The following CYP4A22 variants were observed in gnomAD, a reference collection of about 807,000 sequenced individuals.
CYP4A22 encodes cytochrome P450 family 4 subfamily A member 22.
In CYP4A22, 46 loss-of-function variants were observed where a neutral mutation model predicts 56.2. That is an observed-to-expected ratio of 0.82 (90% CI 0.65 to 1.05). The LOEUF is 1.05. Among genes scored for constraint, CYP4A22 ranks in the 50% least tolerant of loss-of-function variants. The pLI is 0.00. For missense variants in CYP4A22, 541 were observed against 645.9 expected (o/e 0.84, Z 1.76); for synonymous variants, 193 against 251.1 (o/e 0.77, Z 2.19).
chr1:47,146,574 C>G (rs1645078893), intron 11 of CYP4A22: 2 of 1,046,038 alleles, frequency 1.9e-6, no homozygotes, highest in Middle Eastern at 4.8e-4. Flanking sequence ...AGCACACTAC[C>G]TTCCCTATTT....
Position 47,148,928 on chromosome 1 carries a change from TC to T in CYP4A22, c.*132del. ...TGCTGTCCCCCAGTCTGCCTGCCCT[TC>T]TCTCTCTCACCTTTCTCCAAGCTCC... On this transcript the variant is annotated 3_prime_UTR_variant, in exon 12 of 12. Coordinates refer to ENST00000371891, the MANE Select transcript of CYP4A22 (RefSeq NM_001010969.4). 9.7e-7 allele frequency: 1 copy of T among 1,029,162 alleles called. No homozygotes were observed. Among genetic ancestry groups the T allele is most frequent in the Non-Finnish European group, 1.4e-6 (1 of 730,360 alleles). 63.8% of individuals were successfully genotyped at this position (1,029,162 alleles called of 1,614,324 possible). A position where few individuals can be genotyped will look rare whatever the true frequency, so the allele number is the denominator to read the frequency against.
intron 11 of CYP4A22, chr1:47,146,478 A>G: frequency 1.7e-6 from 2 of 1,161,652 alleles, no homozygotes; most frequent in Non-Finnish European, 2.1e-6. Flanking sequence ...GATATTCTCC[A>G]GTAAATTCAA....
intron 9 of CYP4A22, 33 bp from the exon 10 acceptor site, chr1:47,145,833 C>G: frequency 6.2e-7 from 1 of 1,613,354 alleles, no homozygotes; most frequent in Non-Finnish European, 8.5e-7. Flanking sequence ...TGCAAATGAT[C>G]GGTCTTCTCT....
intron 11 of CYP4A22, chr1:47,146,700 T>C (rs1200612022): frequency 2.0e-6 from 2 of 990,588 alleles, no homozygotes; most frequent in Non-Finnish European, 1.2e-6. Context: ...AGGTAGCCCT[T>C]TGAAGAAAGT....
intron 4 of CYP4A22, among the ~76,000 whole-genome samples, chr1:47,142,769 C>CATGAGAATGG: frequency 6.6e-6 from 1 of 152,220 alleles, no homozygotes; most frequent in Non-Finnish European, 1.5e-5. Flanking sequence ...CAACTGTGCC[C>CATGAGAATGG]AGCACATTTT....
chr1:47,145,172 T>A lies in CYP4A22; in HGVS notation c.1222+202T>A, dbSNP rs138871387. 7.1e-3 allele frequency among the ~76,000 whole-genome samples: 1,081 copies of A among 152,358 alleles called. 10 individuals carry two copies. The highest frequency in any genetic ancestry group is 0.025 in the African/African-American group (1,046 of 41,582). ...CACCGAAAGTTCAAGAAATAAATGT[T>A]AATCTCTGAATGTGGCCTTGGGTCA... On this transcript the variant is annotated intron_variant, in intron 9 of 11. Coordinates refer to ENST00000371891, the MANE Select transcript of CYP4A22 (RefSeq NM_001010969.4).
In CYP4A22 at chr1:47,146,084, A is replaced by T. The variant is rs1569815388; in HGVS notation, c.1295A>T (p.Asp432Val). Residue 432 changes from aspartate to valine, a missense_variant, in exon 11 of 12, where the codon GAC becomes GTC. Asp to Val is a radical substitution (Grantham distance 152, BLOSUM62 -3). Coordinates refer to ENST00000371891, the MANE Select transcript of CYP4A22 (RefSeq NM_001010969.4). Reference protein sequence around the residue: ...PKVWPNLEVFDPSRFAPGSAQ... With the variant: ...PKVWPNLEVFVPSRFAPGSAQ... ...CTGGTGCTCTCTCTGCAGGTGTTTG[A>T]CCCTTCCCGTTTTGCACCGGGTTCT... The T allele has an allele frequency of 6.2e-6, 10 of 1,613,804 alleles. No individual in the cohort carries two copies. Among genetic ancestry groups the T allele is most frequent in the Non-Finnish European group, 8.5e-6 (10 of 1,180,002 alleles).
chr1:47,145,952 G>A (rs1645071257), intron 10 of CYP4A22, 22 bp downstream of exon 10: 3 of 1,613,996 alleles, frequency 1.9e-6, no homozygotes, highest in South Asian at 1.1e-5. Context: ...TTGAGAGGAG[G>A]AAATGGGGTG....
chr1:47,141,982 T>C lies in CYP4A22; in HGVS notation c.383-126T>C, dbSNP rs1645015109. 5 of 1,383,728 alleles carry C rather than the reference T, an allele frequency of 3.6e-6. No homozygotes were observed. In the Admixed American group the frequency reaches 7.5e-5, roughly 21 times the overall value. The allele number at this position is 1,383,728 out of a possible 1,614,324, so 85.7% of individuals were successfully genotyped here. A position where few individuals can be genotyped will look rare whatever the true frequency, so the allele number is the denominator to read the frequency against. ...CTCCTTTTCCTGCATTTGCCCATGA[T>C]GTGGCTTCTTCTGGATAGTTCTTCC... is the stretch of plus-strand genomic sequence containing the variant. On this transcript the variant is annotated intron_variant, in intron 3 of 11. Transcript: ENST00000371891.
chr1:47,146,778 T>A, intron 11 of CYP4A22: 1 of 988,248 alleles, frequency 1.0e-6, no homozygotes, highest in South Asian at 4.7e-5. Flanking sequence ...CTTCATTATA[T>A]AGTGTTCACA....
At chr1:47,145,111 G>C in intron 9 of CYP4A22, 141 bp downstream of exon 9, 1 of 1,405,962 alleles carries the variant, frequency 7.1e-7, no homozygotes, top group Non-Finnish European at 9.4e-7. Context: ...TTTGTATTTA[G>C]GATGAATTTG....
chr1:47,140,788 C>A lies in CYP4A22; in HGVS notation c.204C>A (p.His68Gln), dbSNP rs370585374. The A allele has an allele frequency of 6.2e-7, 1 of 1,614,160 alleles. No homozygotes were observed. Among genetic ancestry groups the A allele is most frequent in the South Asian group, 1.1e-5 (1 of 91,078 alleles). The change falls in exon 2 of 12, where the codon CAC becomes CAA. Residue 68 changes from histidine to glutamine, a missense_variant. By Grantham distance (24) the His-to-Gln change is conservative (BLOSUM62 0). Transcript: ENST00000371891. The stretch of plus-strand genomic sequence containing the variant: ...TCTACCCTCGTTGACAGTTCCAACA[C>A]GACCAGGAGCTACAACGGATTCAGG... ...WLFGHIQEFQ[H>Q]DQELQRIQER...
intron 11 of CYP4A22, 39 bp downstream of exon 11, chr1:47,146,192 G>A: frequency 6.2e-7 from 1 of 1,614,120 alleles, no homozygotes; most frequent in Admixed American, 1.7e-5. Context: ...AGAGAAATGA[G>A]GGAAGTCTCT....
In CYP4A22 at chr1:47,143,324, T is replaced by A; in HGVS notation, c.566T>A (p.Val189Asp). ...QDSPLEVFQHVSLMTLDTIMK... is the reference protein window; with the variant it reads ...QDSPLEVFQHDSLMTLDTIMK... ...TCCCCTCTGGAGGTCTTTCAGCACGTCTCCTTGATGACCCTGGACACCATC... is the reference window on the plus strand; with the variant it reads ...TCCCCTCTGGAGGTCTTTCAGCACGACTCCTTGATGACCCTGGACACCATC... The change falls in exon 5 of 12, where the codon GTC (valine) becomes GAC (aspartate). Residue 189 changes from valine (V) to aspartate (D), a missense_variant. Coordinates refer to ENST00000371891, the MANE Select transcript of CYP4A22 (RefSeq NM_001010969.4). 2 of 1,613,862 alleles carry A rather than the reference T, an allele frequency of 1.2e-6. No individual in the cohort carries two copies. The highest frequency in any genetic ancestry group is 1.7e-6 in the Non-Finnish European group (2 of 1,179,834).
intron 1 of CYP4A22, among the ~76,000 whole-genome samples, chr1:47,138,023 C>G (rs1223535690): frequency 6.6e-6 from 1 of 152,156 alleles, no homozygotes; most frequent in Admixed American, 6.5e-5. Flanking sequence ...CTAGATGCTC[C>G]CTGTCCAGTC....
intron 11 of CYP4A22, chr1:47,146,751 G>GCCCA (rs1437016530): frequency 1.0e-6 from 1 of 987,850 alleles, no homozygotes; most frequent in African/African-American, 1.7e-5. Flanking sequence ...TTTCTGTCTT[G>GCCCA]CCCAATGACA....
intron 11 of CYP4A22, chr1:47,146,556 C>T (rs958758806): frequency 9.2e-7 from 1 of 1,089,854 alleles, no homozygotes; most frequent in Non-Finnish European, 1.1e-6. Flanking sequence ...CCCACACATC[C>T]TCAATGCAGC....
intron 5 of CYP4A22, 27 bp downstream of exon 5, chr1:47,143,420 G>A: frequency 2.6e-6 from 4 of 1,556,434 alleles, no homozygotes; most frequent in Non-Finnish European, 3.5e-6. Flanking sequence ...CAGCTGCAGG[G>A]CCCTTGTTCT....
chr1:47,140,638 T>C (rs1295015822), intron 1 of CYP4A22, 142 bp from the exon 2 acceptor site: 41 of 1,297,414 alleles, frequency 3.2e-5, no homozygotes, highest in Non-Finnish European at 4.1e-5. Context: ...ATACAAAGAA[T>C]CTGGATCACA....
Sources: gnomAD v4.1 joint callset for allele counts (sites outside exome capture counted in the v4.1 genomes callset) on GRCh38, gnomAD v4.1.1 for gene constraint, MANE v1.5 for transcripts, NCBI Gene and HGNC (gene_info 2026-07-23, HGNC 2026-07-21) for gene names.